The following LSS variants were observed in gnomAD, a reference collection of about 807,000 sequenced individuals.
The protein encoded by LSS is lanosterol synthase, also known as 2,3-epoxysqualene-lanosterol cyclase.
A neutral mutation model predicts 110.3 loss-of-function variants in LSS; 90 were observed. The observed-to-expected ratio is 0.82, with a 90% CI of 0.69 to 0.97. The LOEUF (loss-of-function observed/expected upper bound fraction) is 0.97, where lower values mean the gene tolerates loss of function less well. LSS is among the 50% of genes least tolerant of loss of function. The probability of loss-of-function intolerance (pLI) is 0.00; values close to 1 mark genes in which losing one functional copy is unlikely to be tolerated. For missense variants in LSS, 927 were observed against 990.0 expected, an observed-to-expected ratio of 0.94 and a Z score of 0.85; for synonymous variants, 433 against 400.0, an observed-to-expected ratio of 1.08 and a Z score of -0.98.
chr21:46,224,864 A>G (rs2080317977), intron 3 of LSS: 1 of 118,034 alleles, frequency 8.5e-6, no homozygotes, highest in Non-Finnish European at 1.6e-5. Flanking sequence ...TAATCCCAGC[A>G]CTTTGGGAGG....
In LSS at chr21:46,196,183, C is replaced by A; in HGVS notation, c.1736+19G>T. 1 of 1,612,900 alleles carries A rather than the reference C, an allele frequency of 6.2e-7. No homozygotes were observed. Among genetic ancestry groups the A allele is most frequent in the Admixed American group, 1.7e-5 (1 of 60,020 alleles). ...TGGATCCCGTGCATCTCTGCACTCA[C>A]GAGTGGAGGCTCACTCACCCTTCCC... On this transcript the variant is annotated intron_variant, in intron 18 of 21. Transcript: ENST00000397728.
At chr21:46,219,976 G>A (rs990155938) in intron 5 of LSS, among the ~76,000 whole-genome samples, 6 of 152,178 alleles carry the variant, frequency 3.9e-5, no homozygotes, top group Non-Finnish European at 8.8e-5. Flanking sequence ...ACTCAGCCTC[G>A]CCCTCTGAGC....
rs372838581 is a variant in LSS, at chr21:46,191,155, G to A, written c.2148C>T (p.Leu716=). Residue 716 remains leucine (L), a synonymous_variant, in exon 22 of 22, where the codon CTC becomes CTT. Transcript: ENST00000397728. ...CAGGGTACAGCTGGGAGAAGCGGCC[G>A]AGGGCCCAGATGGGGAAGATGTTCC... is the stretch of plus-strand genomic sequence containing the variant. ...SYRNIFPIWA[L]GRFSQLYPER... The A allele has an allele frequency of 3.0e-5, 49 of 1,614,076 alleles. No homozygotes were observed. Among genetic ancestry groups the A allele is most frequent in the East Asian group, 4.5e-5 (2 of 44,896 alleles).
At chr21:46,200,451 G>A (rs1196960233) in intron 17 of LSS, among the ~76,000 whole-genome samples, 6 of 152,088 alleles carry the variant, frequency 3.9e-5, no homozygotes, top group African/African-American at 1.2e-4. Context: ...CTTAATCAAG[G>A]GATCAAAGTT....
chr21:46,196,413 G>A lies in LSS; in HGVS notation c.1671-146C>T, dbSNP rs554669428. On this transcript the variant is annotated intron_variant, in intron 17 of 21. Transcript: ENST00000397728. The stretch of plus-strand genomic sequence containing the variant: ...TAAACAGTTTACACAGACCGATGAG[G>A]GTTTTAAAAAGAAGCAACCACAGGA... 1.0e-5 allele frequency: 7 copies of A among 670,556 alleles called. No individual in the cohort carries two copies. In the South Asian group the frequency reaches 1.3e-4, roughly 12 times the overall value. The allele number at this position is 670,556 out of a possible 1,614,324, so 41.5% of individuals were successfully genotyped here. A position where few individuals can be genotyped will look rare whatever the true frequency, so the allele number is the denominator to read the frequency against.
Position 46,227,782 on chromosome 21 carries a change from C to G in LSS, c.181-92G>C. 2.8e-6 allele frequency: 4 copies of G among 1,415,664 alleles called. No individual in the cohort carries two copies. The East Asian group carries it at 6.9e-5, about 24-fold the overall frequency. The allele number at this position is 1,415,664 out of a possible 1,614,324, so 87.7% of individuals were successfully genotyped here. ...TCTTCACATACAGCCCAAGTCAAAA[C>G]AGTGAATGTAAATTACTTTAAAAGT... is the stretch of plus-strand genomic sequence containing the variant. On this transcript the variant is annotated intron_variant, in intron 2 of 21. Transcript: ENST00000397728.
At chr21:46,228,279 G>A (rs1601457314) in intron 2 of LSS, among the ~76,000 whole-genome samples, 155 bp downstream of exon 2, 1 of 152,234 alleles carries the variant, frequency 6.6e-6, no homozygotes, top group Admixed American at 6.5e-5. Context: ...GGGCTGAAGC[G>A]GAGGGGCCCG....
intron 11 of LSS, among the ~76,000 whole-genome samples, chr21:46,211,213 G>A (rs927715450): frequency 5.9e-5 from 9 of 152,042 alleles, no homozygotes; most frequent in African/African-American, 1.4e-4. Context: ...TGCAAGCTCC[G>A]CCTCCTGGGT....
intron 20 of LSS, 69 bp from the exon 21 acceptor site, chr21:46,192,028 A>G: frequency 8.4e-7 from 1 of 1,193,910 alleles, no homozygotes; most frequent in South Asian, 1.3e-5. Context: ...ACCCTCACAC[A>G]GCCGAGCATA....
chr21:46,208,260 C>T lies in LSS; in HGVS notation c.1308G>A (p.Gln436=). The T allele has an allele frequency of 6.4e-7, 1 of 1,552,436 alleles. No individual in the cohort carries two copies. The highest frequency in any genetic ancestry group is 1.2e-5 in the South Asian group (1 of 84,084). The change falls in exon 14 of 22, where the codon CAG becomes CAA. Residue 436 remains glutamine, a synonymous_variant. Coordinates refer to ENST00000397728, the MANE Select transcript of LSS (RefSeq NM_002340.6). ...NPPDYQKYYR[Q]MRKGGFSFST... ...GCTGGCTCCCGCATACCTTGCGCATCTGGCGGTAGTACTTCTGGTAGTCGG... is the reference window on the plus strand; with the variant it reads ...GCTGGCTCCCGCATACCTTGCGCATTTGGCGGTAGTACTTCTGGTAGTCGG...
intron 17 of LSS, among the ~76,000 whole-genome samples, chr21:46,202,751 C>A (rs1047390854): frequency 2.0e-5 from 3 of 151,842 alleles, no homozygotes; most frequent in Admixed American, 6.6e-5. Context: ...ATGGTATGCA[C>A]CTGTAGTCCC....
intron 3 of LSS, among the ~76,000 whole-genome samples, chr21:46,223,231 T>A (rs1288982488): frequency 6.6e-6 from 1 of 152,228 alleles, no homozygotes; most frequent in Admixed American, 6.5e-5. Flanking sequence ...TTTACAAGCA[T>A]ATGCCGCTTT....
chr21:46,213,681 G>T, intron 10 of LSS, 57 bp downstream of exon 10: 1 of 1,487,354 alleles, frequency 6.7e-7, no homozygotes, highest in Non-Finnish European at 9.3e-7. Context: ...GGATGCAGCT[G>T]GGGCTCAGAT....
chr21:46,225,197 C>G, intron 3 of LSS: 1 of 207,552 alleles, frequency 4.8e-6, no homozygotes, highest in Admixed American at 5.1e-5. Context: ...TATAATAATC[C>G]TCGCTCTACA....
At chr21:46,205,289 G>A (rs2080030578) in intron 17 of LSS, among the ~76,000 whole-genome samples, 1 of 49,348 alleles carries the variant, frequency 2.0e-5, no homozygotes, top group Non-Finnish European at 4.1e-5. Flanking sequence ...GACTAACCGC[G>A]AGCAGGAGAG....
rs1328967425 is a variant in LSS, at chr21:46,209,153, A to T, written c.1266+401T>A. On this transcript the variant is annotated intron_variant, in intron 13 of 21. Transcript: ENST00000397728. This position sits in a 1 kb window ranked among gnomAD's most constrained non-coding sequence, Gnocchi z 4.4. ...CAGGAGGGACCGGGGCTTTTGCTGC[A>T]AACAGTCTCAGGAGGGCAAGTCCAC... Among the ~76,000 whole-genome samples, 4 of 152,140 alleles carry T rather than the reference A, an allele frequency of 2.6e-5. No homozygotes were observed. Among genetic ancestry groups the T allele is most frequent in the South Asian group, 2.1e-4 (1 of 4,834 alleles).
intron 17 of LSS, among the ~76,000 whole-genome samples, chr21:46,200,830 C>T (rs1175894751): frequency 6.6e-6 from 1 of 152,206 alleles, no homozygotes; most frequent in Admixed American, 6.5e-5. Context: ...ATTATTGGAA[C>T]AATTAGGCCT....
chr21:46,194,508 C>G lies in LSS; in HGVS notation c.1971G>C (p.Met657Ile), dbSNP rs775593801. ...SQIHNTCWAM[M>I]GLMAVRHPDI... Reference sequence around the variant, plus strand: ...GTCCCCACCGAACGGCCATCAGCCCCATCATGGCCCAGCATGTGTTATGGA... The same window carrying G: ...GTCCCCACCGAACGGCCATCAGCCCGATCATGGCCCAGCATGTGTTATGGA... Residue 657 changes from methionine (M) to isoleucine (I), a missense_variant, in exon 20 of 22, where the codon ATG (methionine) becomes ATC (isoleucine). Transcript: ENST00000397728. 2.5e-6 allele frequency: 4 copies of G among 1,613,768 alleles called. No individual in the cohort carries two copies.
At chr21:46,219,443 G>C (rs1324068749) in intron 6 of LSS, 33 bp downstream of exon 6, 1 of 1,505,438 alleles carries the variant, frequency 6.6e-7, no homozygotes, top group Non-Finnish European at 9.0e-7. Flanking sequence ...GACAGCAGCA[G>C]CGACCCAACA....
Sources: gnomAD v4.1 joint callset for allele counts (sites outside exome capture counted in the v4.1 genomes callset) on GRCh38, gnomAD v4.1.1 for gene constraint, Gnocchi (gnomAD v3.1) non-coding constraint, MANE v1.5 for transcripts, NCBI Gene and HGNC (gene_info 2026-07-23, HGNC 2026-07-21) for gene names.